The following FSTL4 variants were observed in gnomAD, a reference collection of about 807,000 sequenced individuals.
FSTL4 encodes the protein follistatin like 4.
A neutral mutation model predicts 78.2 loss-of-function variants in FSTL4; 28 were observed. That is an observed-to-expected ratio of 0.36 (90% confidence interval 0.27 to 0.49). The LOEUF (loss-of-function observed/expected upper bound fraction) is 0.49. Ranked by LOEUF, FSTL4 falls within the 20% of genes least tolerant of loss-of-function variation. The probability of loss-of-function intolerance (pLI) is 0.98; values close to 1 mark genes in which losing one functional copy is unlikely to be tolerated. For missense variants in FSTL4, 922 were observed against 1,084.9 expected (o/e 0.85, Z 2.11); for synonymous variants, 422 against 440.5 (o/e 0.96, Z 0.53).
At chr5:133,473,843 G>A (rs1757875089) in intron 3 of FSTL4, among the ~76,000 whole-genome samples, 1 of 152,130 alleles carries the variant, frequency 6.6e-6, no homozygotes, top group Admixed American at 6.5e-5. Context: ...GAGTGAAGAG[G>A]AGAAAAGCTC....
chr5:133,276,236 T>C (rs918672695), intron 6 of FSTL4, among the ~76,000 whole-genome samples: 2 of 152,198 alleles, frequency 1.3e-5, no homozygotes, highest in African/African-American at 2.4e-5. Flanking sequence ...CAACCCTGTC[T>C]TCAGCTGGCT....
chr5:133,296,693 C>A (rs185105733), intron 6 of FSTL4, among the ~76,000 whole-genome samples: 1 of 152,174 alleles, frequency 6.6e-6, no homozygotes, highest in Non-Finnish European at 1.5e-5. Flanking sequence ...CCCTGCCCTG[C>A]CCTACCCTGC....
At position 133,457,178 on chromosome 5, in the gene FSTL4, A is replaced by G. The variant is rs571720257; in HGVS notation, c.161-56192T>C. ...AAGGAAATATAATTTCAATTCATTC[A>G]TGATTTATCTATTCCCTCCCTGTGG... On this transcript the variant is annotated intron_variant, in intron 3 of 15. Coordinates refer to ENST00000265342, the MANE Select transcript of FSTL4 (RefSeq NM_015082.2). Among the ~76,000 whole-genome samples the G allele has an allele frequency of 2.2e-4, 33 of 152,348 alleles. No individual in the cohort carries two copies. In the East Asian group the frequency reaches 5.6e-3, roughly 26 times the overall value.
At chr5:133,408,430 G>A (rs1031814899) in intron 3 of FSTL4, among the ~76,000 whole-genome samples, 2 of 152,090 alleles carry the variant, frequency 1.3e-5, no homozygotes, top group Non-Finnish European at 1.5e-5. Context: ...CCACTTAACT[G>A]AGACTTACTG....
At chr5:133,299,412 T>A (rs1448840374) in intron 6 of FSTL4, among the ~76,000 whole-genome samples, 3 of 152,228 alleles carry the variant, frequency 2.0e-5, no homozygotes, top group East Asian at 3.9e-4. Context: ...TCCCCCACCC[T>A]GTGCTGTCTC....
chr5:133,692,294 G>A, the FSTL4 span, among the ~76,000 whole-genome samples: 4 of 152,168 alleles, frequency 2.6e-5, no homozygotes, highest in Non-Finnish European at 5.9e-5. Flanking sequence ...TGGAGTGGAC[G>A]AAACAGAGGC....
chr5:133,678,029 A>G, the FSTL4 span, among the ~76,000 whole-genome samples: 1 of 152,246 alleles, frequency 6.6e-6, no homozygotes, highest in African/African-American at 2.4e-5. Context: ...TAACATATGC[A>G]TTATACCTCA....
intron 4 of FSTL4, among the ~76,000 whole-genome samples, chr5:133,318,404 G>T (rs930749929): frequency 6.6e-6 from 1 of 152,180 alleles, no homozygotes; most frequent in Non-Finnish European, 1.5e-5. Flanking sequence ...AAGTTTTGGG[G>T]AAGAGGAGGA....
At chr5:133,380,083 A>C (rs1755530925) in intron 4 of FSTL4, among the ~76,000 whole-genome samples, 1 of 152,026 alleles carries the variant, frequency 6.6e-6, no homozygotes, top group Admixed American at 6.6e-5. Context: ...ATAAAATAAA[A>C]TAAAACAAAT....
At chr5:133,545,976 G>T (rs992892449) in intron 3 of FSTL4, among the ~76,000 whole-genome samples, 3 of 152,230 alleles carry the variant, frequency 2.0e-5, no homozygotes, top group African/African-American at 4.8e-5. Flanking sequence ...AAAGAACTTG[G>T]CTACATTGTG....
At chr5:133,306,007 C>T (rs1219045438) in intron 6 of FSTL4, among the ~76,000 whole-genome samples, 1 of 152,222 alleles carries the variant, frequency 6.6e-6, no homozygotes, top group Non-Finnish European at 1.5e-5. Context: ...GTCTTCCTTC[C>T]GCATTTGTCC....
chr5:133,356,734 T>G (rs771925374), intron 4 of FSTL4, among the ~76,000 whole-genome samples: 1 of 152,254 alleles, frequency 6.6e-6, no homozygotes, highest in Non-Finnish European at 1.5e-5. Context: ...CTGTGTGGTG[T>G]GAAGCATGGC....
At chr5:133,386,368 C>T (rs942210351) in intron 4 of FSTL4, among the ~76,000 whole-genome samples, 9 of 152,244 alleles carry the variant, frequency 5.9e-5, no homozygotes, top group Admixed American at 4.6e-4. Flanking sequence ...GGTGCCTTCA[C>T]TCAAGTTCTT....
intron 3 of FSTL4, among the ~76,000 whole-genome samples, chr5:133,457,278 G>A (rs151084192): frequency 5.1e-4 from 77 of 152,314 alleles, no homozygotes; most frequent in Non-Finnish European, 1.0e-3. Flanking sequence ...ACTGCAAACA[G>A]CATGCGCACG....
the FSTL4 span, among the ~76,000 whole-genome samples, chr5:133,785,044 A>T: frequency 6.6e-6 from 1 of 152,202 alleles, no homozygotes; most frequent in African/African-American, 2.4e-5. Context: ...ACAGGGACAC[A>T]TTCCTGCTCC....
the FSTL4 span, among the ~76,000 whole-genome samples, chr5:133,738,836 A>C: frequency 6.6e-6 from 1 of 152,074 alleles, no homozygotes; most frequent in Non-Finnish European, 1.5e-5. Flanking sequence ...GCTGCTGAAA[A>C]ATGGAGATTT....
intron 6 of FSTL4, among the ~76,000 whole-genome samples, chr5:133,292,727 T>G (rs1753295107): frequency 8.6e-6 from 1 of 115,802 alleles, no homozygotes; most frequent in Non-Finnish European, 2.0e-5. Context: ...TATTATAAGG[T>G]GAAAAGAGAC....
chr5:133,650,304 A>T, the FSTL4 span, among the ~76,000 whole-genome samples: 1 of 152,212 alleles, frequency 6.6e-6, no homozygotes, highest in African/African-American at 2.4e-5. Flanking sequence ...CATAGCATGT[A>T]CTTAATCAAT....
chr5:133,772,607 G>C, the FSTL4 span, among the ~76,000 whole-genome samples: 2 of 152,156 alleles, frequency 1.3e-5, no homozygotes, highest in African/African-American at 4.8e-5. Flanking sequence ...CCTAGAGAGA[G>C]CCTTTTTGCT....
Sources: allele counts gnomAD v4.1 joint callset (sites outside exome capture counted in the v4.1 genomes callset), GRCh38; gene constraint gnomAD v4.1.1; transcripts MANE v1.5; gene names NCBI Gene and HGNC (gene_info 2026-07-23, HGNC 2026-07-21).